Variants in ATP2B2 observed in about 807,000 individuals in gnomAD.
The protein encoded by ATP2B2 is ATPase plasma membrane Ca2+ transporting 2, also known as plasma membrane calcium-transporting ATPase 2.
Under a neutral mutation model 120.0 loss-of-function variants are expected in ATP2B2, and 15 were observed. That is an observed-to-expected ratio of 0.12 (90% CI 0.08 to 0.19). ATP2B2 has a LOEUF of 0.19. Ranked by LOEUF, ATP2B2 falls within the 10% of genes least tolerant of loss-of-function variation. ATP2B2 has a pLI of 1.00. For synonymous variants in ATP2B2, 694 were observed against 700.3 expected, an observed-to-expected ratio of 0.99 and a Z score of 0.14; for missense variants, 1,045 against 1,719.8, an observed-to-expected ratio of 0.61 and a Z score of 6.94.
At chr3:10,330,688 T>A (rs1422339280) in intron 22 of ATP2B2, among the ~76,000 whole-genome samples, 1 of 152,234 alleles carries the variant, frequency 6.6e-6, no homozygotes, top group Non-Finnish European at 1.5e-5. Flanking sequence ...GGGAGGCCCC[T>A]GAAGTCCCAG....
intron 1 of ATP2B2, among the ~76,000 whole-genome samples, chr3:10,701,290 C>T (rs976662550): frequency 6.6e-6 from 1 of 152,230 alleles, no homozygotes; most frequent in African/African-American, 2.4e-5. Flanking sequence ...CACCTATATG[C>T]TGCACCCTCC....
chr3:10,374,473 C>G lies in ATP2B2; in HGVS notation c.1416+957G>C, dbSNP rs180832887. On this transcript the variant is annotated intron_variant, in intron 11 of 22. Coordinates refer to ENST00000360273, the MANE Select transcript of ATP2B2 (RefSeq NM_001001331.4). The stretch of plus-strand genomic sequence containing the variant: ...TTCCAGCTTGGAAACTGATGCTCAC[C>G]ATGCCCTCTGGAGGCTCTGCCAATT... Among the ~76,000 whole-genome samples the G allele has an allele frequency of 1.2e-3, 188 of 152,384 alleles. 1 individual carries two copies. Among genetic ancestry groups the G allele is most frequent in the African/African-American group, 4.4e-3 (181 of 41,598 alleles).
intron 2 of ATP2B2, among the ~76,000 whole-genome samples, chr3:10,592,561 T>C (rs184120624): frequency 6.6e-6 from 1 of 151,724 alleles, no homozygotes; most frequent in Non-Finnish European, 1.5e-5. Context: ...CTTGCAGACA[T>C]TTTTTTTCCT....
chr3:10,535,958 G>T (rs1184026000), intron 2 of ATP2B2, among the ~76,000 whole-genome samples: 1 of 151,702 alleles, frequency 6.6e-6, no homozygotes, highest in Non-Finnish European at 1.5e-5. Flanking sequence ...TTCCAGTATG[G>T]TAAATGACTG....
chr3:10,340,167 G>T lies in ATP2B2; in HGVS notation c.3237+75C>A, dbSNP rs2060233750. The T allele has an allele frequency of 3.5e-6, 5 of 1,425,490 alleles. No individual in the cohort carries two copies. Among genetic ancestry groups the T allele is most frequent in the African/African-American group, 1.4e-5 (1 of 71,266 alleles). 88.3% of individuals were successfully genotyped at this position (1,425,490 alleles called of 1,614,324 possible). A position where few individuals can be genotyped will look rare whatever the true frequency, so the allele number is the denominator to read the frequency against. On this transcript the variant is annotated intron_variant, in intron 21 of 22. Coordinates refer to ENST00000360273, the MANE Select transcript of ATP2B2 (RefSeq NM_001001331.4). The surrounding 1 kb of genome is among the most constrained non-coding windows in gnomAD (Gnocchi z 5.0). ...GGGGTCTGGCAGCCCATTCCTGGGG[G>T]TCCTGGATTCTCCATCCAGTGCTGT...
intron 2 of ATP2B2, among the ~76,000 whole-genome samples, chr3:10,440,825 A>T (rs934227873): frequency 6.6e-6 from 1 of 152,228 alleles, no homozygotes; most frequent in African/African-American, 2.4e-5. Context: ...AATCCTGGCC[A>T]GGTCACTTGT....
At chr3:10,406,509 G>A (rs1252547089) in intron 3 of ATP2B2, among the ~76,000 whole-genome samples, 1 of 152,212 alleles carries the variant, frequency 6.6e-6, no homozygotes, top group African/African-American at 2.4e-5. Flanking sequence ...ATACCATTGT[G>A]TTACAGCTAC....
At chr3:10,336,212 A>G in intron 22 of ATP2B2, 1 of 1,550,654 alleles carries the variant, frequency 6.4e-7, no homozygotes, top group Non-Finnish European at 8.7e-7. Context: ...GAGATTGGCT[A>G]CATCCTGGCT....
chr3:10,546,150 C>A (rs2125503611), intron 2 of ATP2B2, among the ~76,000 whole-genome samples: 1 of 152,322 alleles, frequency 6.6e-6, no homozygotes, highest in African/African-American at 2.4e-5. Context: ...ATGCCGGAGG[C>A]CAGTTGTGCA....
chr3:10,485,604 T>C (rs990732751), intron 1 of ATP2B2, among the ~76,000 whole-genome samples: 6 of 152,178 alleles, frequency 3.9e-5, no homozygotes, highest in East Asian at 1.9e-4. Flanking sequence ...CCAAATTTAC[T>C]CTGCTCACTG....
intron 1 of ATP2B2, among the ~76,000 whole-genome samples, chr3:10,504,964 C>T (rs549992729): frequency 2.6e-5 from 4 of 152,268 alleles, no homozygotes; most frequent in East Asian, 1.9e-4. Context: ...ACCAAAGGGA[C>T]GCTTCACAGG....
intron 17 of ATP2B2, 145 bp from the exon 18 acceptor site, chr3:10,345,720 C>T: frequency 2.5e-6 from 2 of 790,288 alleles, no homozygotes; most frequent in Non-Finnish European, 4.1e-6. Context: ...GGACACCCCA[C>T]TCTTCACGCT....
At chr3:10,662,002 G>C (rs2070794465) in intron 1 of ATP2B2, among the ~76,000 whole-genome samples, 3 of 152,102 alleles carry the variant, frequency 2.0e-5, no homozygotes, top group African/African-American at 7.2e-5. Flanking sequence ...AATGGGAAAA[G>C]GATTCCCTAT....
rs368002442 is a variant in ATP2B2 at position 10,449,557 on chromosome 3, C to T, written c.-14G>A. On this transcript the variant is annotated 5_prime_UTR_variant, in exon 2 of 23. Coordinates refer to ENST00000360273, the MANE Select transcript of ATP2B2 (RefSeq NM_001001331.4). ...CATGTCACCCATGTTTGCTGCGGTC[C>T]TTGCTCGGGCTGGGCCCAAGGGTCA... 2 of 1,614,104 alleles carry T rather than the reference C, an allele frequency of 1.2e-6. No homozygotes were observed. Among genetic ancestry groups the T allele is most frequent in the African/African-American group, 2.7e-5 (2 of 74,942 alleles).
At chr3:10,618,336 C>A (rs985553553) in intron 2 of ATP2B2, among the ~76,000 whole-genome samples, 1 of 152,170 alleles carries the variant, frequency 6.6e-6, no homozygotes, top group South Asian at 2.1e-4. Flanking sequence ...AGTACTGTGC[C>A]TGGCACATGG....
At chr3:10,351,944 C>T (rs2060590920) in intron 14 of ATP2B2, among the ~76,000 whole-genome samples, 1 of 152,200 alleles carries the variant, frequency 6.6e-6, no homozygotes, top group South Asian at 2.1e-4. Flanking sequence ...AGATGTACAG[C>T]CTTCAGGACT....
intron 2 of ATP2B2, among the ~76,000 whole-genome samples, chr3:10,563,605 G>C (rs115914485): frequency 6.7e-4 from 102 of 152,330 alleles, no homozygotes; most frequent in African/African-American, 2.4e-3. Flanking sequence ...TCCTTTCTTT[G>C]CATCAGCTGC....
At chr3:10,534,828 C>T (rs1199196268) in intron 2 of ATP2B2, among the ~76,000 whole-genome samples, 3 of 151,604 alleles carry the variant, frequency 2.0e-5, no homozygotes, top group Non-Finnish European at 4.4e-5. Flanking sequence ...GCAGAGGGCA[C>T]TGGATGCTAT....
chr3:10,401,867 T>C (rs1308114362), intron 4 of ATP2B2, among the ~76,000 whole-genome samples: 1 of 152,224 alleles, frequency 6.6e-6, no homozygotes, highest in Non-Finnish European at 1.5e-5. Flanking sequence ...TGGTAGCACA[T>C]GTGCCATGTA....
Sources: gnomAD v4.1 joint callset for allele counts (sites outside exome capture counted in the v4.1 genomes callset) on GRCh38, gnomAD v4.1.1 for gene constraint, Gnocchi (gnomAD v3.1) non-coding constraint, MANE v1.5 for transcripts, NCBI Gene and HGNC (gene_info 2026-07-23, HGNC 2026-07-21) for gene names.